AKAP6: variants seen among roughly 807,000 people sequenced by gnomAD.
The protein encoded by AKAP6 is A-kinase anchor protein 6.
A neutral mutation model predicts 188.5 loss-of-function variants in AKAP6; 58 were observed. The observed-to-expected ratio is 0.31, with a 90% CI of 0.25 to 0.38. The LOEUF (loss-of-function observed/expected upper bound fraction) is 0.38. Ranked by LOEUF, AKAP6 falls within the 10% of genes least tolerant of loss-of-function variation. The pLI is 1.00. For synonymous variants in AKAP6, 989 were observed against 998.6 expected (o/e 0.99, Z 0.18); for missense variants, 2,710 against 2,740.0 (o/e 0.99, Z 0.24).
chr14:32,571,037 G>A (rs1427730495), intron 4 of AKAP6, among the ~76,000 whole-genome samples: 1 of 152,160 alleles, frequency 6.6e-6, no homozygotes, highest in African/African-American at 2.4e-5. Flanking sequence ...TCTGTAAAAT[G>A]GGGATAACTA....
chr14:32,820,022 G>A (rs559882067), intron 12 of AKAP6, among the ~76,000 whole-genome samples: 19 of 152,178 alleles, frequency 1.2e-4, no homozygotes, highest in African/African-American at 4.1e-4. Flanking sequence ...GCAAGCACTA[G>A]CTTGTTTAAT....
At chr14:32,600,152 A>C (rs187733734) in intron 6 of AKAP6, among the ~76,000 whole-genome samples, 1 of 152,192 alleles carries the variant, frequency 6.6e-6, no homozygotes, top group Non-Finnish European at 1.5e-5. Context: ...CTAAATAGGA[A>C]AAAGACAGTA....
chr14:32,510,468 ATATATATACATATATATATG>A (rs1881191557), intron 2 of AKAP6, among the ~76,000 whole-genome samples: 1 of 128,304 alleles, frequency 7.8e-6, no homozygotes, highest in African/African-American at 3.5e-5. Flanking sequence ...ATGTGTATAT[ATATATATACATATATATATG>A]TGTATATATA....
At chr14:32,369,017 A>C (rs1186695336) in intron 1 of AKAP6, among the ~76,000 whole-genome samples, 1 of 152,188 alleles carries the variant, frequency 6.6e-6, no homozygotes, top group Admixed American at 6.6e-5. Context: ...CAATGGAGGC[A>C]CTTTTGAGAA....
intron 12 of AKAP6, among the ~76,000 whole-genome samples, chr14:32,802,138 A>T (rs578193207): frequency 2.2e-3 from 339 of 152,188 alleles, no homozygotes; most frequent in African/African-American, 7.4e-3. Context: ...ATTTTCCCAC[A>T]GTTCTTGGGA....
intron 1 of AKAP6, among the ~76,000 whole-genome samples, chr14:32,372,221 G>T (rs889973860): frequency 6.6e-6 from 1 of 152,012 alleles, no homozygotes; most frequent in Non-Finnish European, 1.5e-5. Context: ...AATCAAAATT[G>T]TAACCACTTT....
chr14:32,635,963 G>C (rs1887467941), intron 7 of AKAP6, among the ~76,000 whole-genome samples: 1 of 152,176 alleles, frequency 6.6e-6, no homozygotes, highest in Middle Eastern at 3.4e-3. Context: ...GTTCTCAAGA[G>C]ACTGAAATCC....
chr14:32,373,037 A>G (rs1483037255), intron 1 of AKAP6, among the ~76,000 whole-genome samples: 1 of 151,808 alleles, frequency 6.6e-6, no homozygotes, highest in Non-Finnish European at 1.5e-5. Flanking sequence ...TTGATGTTTC[A>G]GAGTCTGACG....
chr14:32,678,530 G>A, intron 8 of AKAP6, 71 bp downstream of exon 8: 1 of 1,562,144 alleles, frequency 6.4e-7, no homozygotes, highest in South Asian at 1.1e-5. Context: ...ACTGGTAGGT[G>A]TTAGGAAGGT....
rs1216351425 is a variant in AKAP6, at chr14:32,653,801, A to C, written c.2731-24510A>C. Among the ~76,000 whole-genome samples, 4 of 152,310 alleles carry C rather than the reference A, an allele frequency of 2.6e-5. No homozygotes were observed. In the East Asian group the frequency reaches 7.7e-4, roughly 29 times the overall value. ...CTTTCTCTGGTCTTTGTGTTAGTAA[A>C]ACTAGGGCAAATAAAATATTGCCTC... On this transcript the variant is annotated intron_variant, in intron 7 of 13. Coordinates refer to ENST00000280979, the MANE Select transcript of AKAP6 (RefSeq NM_004274.5).
Position 32,821,613 on chromosome 14 carries a change from A to G in AKAP6, c.3800A>G (p.Asn1267Ser). The stretch of plus-strand genomic sequence containing the variant: ...CCTGGTTATGACGAGGAGGCTGATA[A>G]CCATGGGGGATCTCAGTATGCCTCA... ...EDPGYDEEADNHGGSQYASNI... is the reference protein window; with the variant it reads ...EDPGYDEEADSHGGSQYASNI... The change falls in exon 13 of 14, where the codon AAC (asparagine) becomes AGC (serine). Residue 1267 changes from asparagine (N) to serine (S), a missense_variant. This residue lies in a region of AKAP6 where 2,473 missense variants were observed against 2,426.1 expected (regional missense o/e 1.02). Coordinates refer to ENST00000280979, the MANE Select transcript of AKAP6 (RefSeq NM_004274.5). The G allele has an allele frequency of 1.9e-6, 3 of 1,613,686 alleles. No homozygotes were observed. Among genetic ancestry groups the G allele is most frequent in the Non-Finnish European group, 1.7e-6 (2 of 1,179,876 alleles).
chr14:32,774,459 C>T lies in AKAP6; in HGVS notation c.3588+566C>T, dbSNP rs181001296. On this transcript the variant is annotated intron_variant, in intron 12 of 13. Coordinates refer to ENST00000280979, the MANE Select transcript of AKAP6 (RefSeq NM_004274.5). ...TGATAGTTACATTGCTGAGAATTGG[C>T]AAGTTTCCTCTTAGAGTTTTAATGC... Among the ~76,000 whole-genome samples, 502 of 152,258 alleles carry T rather than the reference C, an allele frequency of 3.3e-3. 4 individuals carry two copies. Among genetic ancestry groups the T allele is most frequent in the African/African-American group, 0.011 (465 of 41,554 alleles).
At chr14:32,644,164 A>G (rs1176058710) in intron 7 of AKAP6, among the ~76,000 whole-genome samples, 2 of 152,182 alleles carry the variant, frequency 1.3e-5, no homozygotes, top group African/African-American at 4.8e-5. Flanking sequence ...GTGATCTACT[A>G]TTTGCCACAG....
At chr14:32,594,689 A>G (rs904549134) in intron 5 of AKAP6, among the ~76,000 whole-genome samples, 1 of 152,214 alleles carries the variant, frequency 6.6e-6, no homozygotes, top group Non-Finnish European at 1.5e-5. Context: ...AGATGGCCTG[A>G]GGCAGATAGC....
intron 2 of AKAP6, among the ~76,000 whole-genome samples, chr14:32,499,328 C>CAA (rs71432061): frequency 0.19 from 21,077 of 110,822 alleles, 2,212 homozygotes; most frequent in South Asian, 0.38. Flanking sequence ...AGTGTAACAG[C>CAA]AAAAAAAAAA....
intron 7 of AKAP6, among the ~76,000 whole-genome samples, chr14:32,645,164 T>A (rs1013898544): frequency 1.3e-5 from 2 of 152,172 alleles, no homozygotes; most frequent in Admixed American, 6.6e-5. Context: ...AAATTTTGAC[T>A]CTGTATATAG....
chr14:32,768,492 G>T (rs1566697973), intron 11 of AKAP6, among the ~76,000 whole-genome samples: 1 of 152,122 alleles, frequency 6.6e-6, no homozygotes, highest in Non-Finnish European at 1.5e-5. Context: ...AGATCATCAA[G>T]AAAATACTAG....
intron 1 of AKAP6, among the ~76,000 whole-genome samples, chr14:32,416,341 A>G (rs1435209498): frequency 6.6e-6 from 1 of 152,186 alleles, no homozygotes; most frequent in Admixed American, 6.5e-5. Context: ...GCATTTGTAC[A>G]TCTTCTTTGA....
chr14:32,417,868 T>G (rs923338831), intron 1 of AKAP6: 1 of 152,182 alleles, frequency 6.6e-6, no homozygotes, highest in Non-Finnish European at 1.5e-5. Flanking sequence ...ACTGGTCAGC[T>G]GAATGTTAAT....
Sources: allele counts gnomAD v4.1 joint callset (sites outside exome capture counted in the v4.1 genomes callset), GRCh38; gene constraint gnomAD v4.1.1; regional missense constraint gnomAD v4.1.1; transcripts MANE v1.5; gene names NCBI Gene and HGNC (gene_info 2026-07-23, HGNC 2026-07-21).